Variants in CEMIP2 observed in about 807,000 individuals in gnomAD.
The protein encoded by CEMIP2 is cell migration inducing hyaluronidase 2, also known as cell surface hyaluronidase CEMIP2.
CEMIP2 carries 79 observed loss-of-function variants against 146.9 expected under a neutral mutation model. That is an observed-to-expected ratio of 0.54 (90% CI 0.45 to 0.65). CEMIP2 has a LOEUF of 0.65. CEMIP2 is among the 30% of genes least tolerant of loss of function. CEMIP2 has a pLI of 0.00. For synonymous variants in CEMIP2, 601 were observed against 606.3 expected (o/e 0.99, Z 0.13); for missense variants, 1,596 against 1,696.2 (o/e 0.94, Z 1.04).
intron 4 of CEMIP2, among the ~76,000 whole-genome samples, chr9:71,743,802 AGACT>A (rs1481528157): frequency 6.6e-6 from 1 of 152,222 alleles, no homozygotes; most frequent in Non-Finnish European, 1.5e-5. Flanking sequence ...AAAATGTTAC[AGACT>A]GTTTTTCTTC....
chr9:71,706,711 G>A (rs1257874874), intron 17 of CEMIP2, among the ~76,000 whole-genome samples: 1 of 152,134 alleles, frequency 6.6e-6, no homozygotes, highest in African/African-American at 2.4e-5. Flanking sequence ...GTGTGTACCT[G>A]CCACTTTAAG....
Position 71,732,510 on chromosome 9 carries a change from C to A in CEMIP2, c.1404G>T (p.Gln468His). 1 of 1,595,558 alleles carries A rather than the reference C, an allele frequency of 6.3e-7. No homozygotes were observed. The highest frequency in any genetic ancestry group is 8.5e-7 in the Non-Finnish European group (1 of 1,175,146). Residue 468 changes from glutamine (Q) to histidine (H), a missense_variant, in exon 7 of 24, where the codon CAG (glutamine) becomes CAT (histidine). By Grantham distance (24) the Gln-to-His change is conservative. Coordinates refer to ENST00000377044, the MANE Select transcript of CEMIP2 (RefSeq NM_013390.3). ...CTATGATCTCACCCATGTGCAGGAA[C>A]TGAGGGGTTTCTGGTTGATATGAGC... ...HFQVKVKETP[Q>H]FLHMGEIIDG... is the part of the protein sequence containing the mutation.
At chr9:71,728,258 C>A (rs1312972847) in intron 10 of CEMIP2, among the ~76,000 whole-genome samples, 2 of 7,720 alleles carry the variant, frequency 2.6e-4, no homozygotes, top group Non-Finnish European at 7.0e-4. Flanking sequence ...TATGTATATA[C>A]ACGTATATAT....
Position 71,745,014 on chromosome 9 carries a change from C to A in CEMIP2, c.1034+4G>T. ...ATAGGGATCTGGGAAGAAGGTATGC[C>A]TACCTGTAGCCCAGTCCTTGGATCA... On this transcript the variant is annotated splice_donor_region_variant and intron_variant, in intron 4 of 23. Transcript: ENST00000377044. The A allele has an allele frequency of 6.2e-7, 1 of 1,611,328 alleles. No individual in the cohort carries two copies. The highest frequency in any genetic ancestry group is 8.5e-7 in the Non-Finnish European group (1 of 1,178,686).
intron 15 of CEMIP2, among the ~76,000 whole-genome samples, chr9:71,712,727 A>G (rs1019523345): frequency 6.6e-6 from 1 of 152,208 alleles, no homozygotes; most frequent in Non-Finnish European, 1.5e-5. Context: ...AGGTGAAATG[A>G]TACATTTAAA....
rs764842755 is a variant in CEMIP2 at position 71,717,936 on chromosome 9, G to C, written c.2399+12C>G. ...AGTGTCATCATATAATAACTTGGTA[G>C]AGAATACCCACGCTGAATTTTGAAC... On this transcript the variant is annotated intron_variant, in intron 13 of 23. Coordinates refer to ENST00000377044, the MANE Select transcript of CEMIP2 (RefSeq NM_013390.3). 6.3e-7 allele frequency: 1 copy of C among 1,599,008 alleles called. No homozygotes were observed. The highest frequency in any genetic ancestry group is 8.5e-7 in the Non-Finnish European group (1 of 1,174,300).
intron 20 of CEMIP2, chr9:71,697,733 A>G (rs1429795891): frequency 2.3e-6 from 1 of 431,386 alleles, no homozygotes; most frequent in Non-Finnish European, 4.1e-6. Flanking sequence ...AGCAACCTCT[A>G]ATTTTAAACT....
chr9:71,708,143 G>A (rs566731225), intron 17 of CEMIP2, among the ~76,000 whole-genome samples: 1 of 152,234 alleles, frequency 6.6e-6, no homozygotes, highest in Non-Finnish European at 1.5e-5. Context: ...CCAAGATTGC[G>A]CCACTGCACT....
intron 20 of CEMIP2, chr9:71,697,764 C>T: frequency 2.0e-6 from 1 of 510,032 alleles, no homozygotes; most frequent in South Asian, 3.0e-5. Context: ...TGCAGTTGTT[C>T]AAGGTAAACT....
Position 71,685,395 on chromosome 9 carries a change from T to TAA in CEMIP2, c.3956-4_3956-3dup, listed in dbSNP as rs36080695. The stretch of plus-strand genomic sequence containing the variant: ...TGAATCCCAAAAATATGGTACTCCC[T>TAA]AAAAAAAAAAAAAAAAAAGAAAAAG... On this transcript the variant is annotated splice_region_variant and splice_polypyrimidine_tract_variant and intron_variant, in intron 23 of 23. Coordinates refer to ENST00000377044, the MANE Select transcript of CEMIP2 (RefSeq NM_013390.3). The TAA allele has an allele frequency of 0.22, 253,206 of 1,139,218 alleles. 5,708 individuals are homozygous for TAA. Among genetic ancestry groups the TAA allele is most frequent in the African/African-American group, 0.43 (21,935 of 50,884 alleles). The allele number at this position is 1,139,218 out of a possible 1,614,324, so 70.6% of individuals were successfully genotyped here.
Position 71,718,033 on chromosome 9 carries a change from C to T in CEMIP2, c.2314G>A (p.Ala772Thr), listed in dbSNP as rs1461006377. ...DANPEKPRVA[A>T]LIDRLIAFKN... ...AAAGCAATGAGCCTGTCAATTAGAG[C>T]AGCAACACGTGGTTTTTCGGGGTTT... The change falls in exon 13 of 24, where the codon GCT becomes ACT. Residue 772 changes from alanine (A) to threonine (T), a missense_variant. Coordinates refer to ENST00000377044, the MANE Select transcript of CEMIP2 (RefSeq NM_013390.3). The T allele has an allele frequency of 6.2e-7, 1 of 1,612,914 alleles. No homozygotes were observed. Among genetic ancestry groups the T allele is most frequent in the Admixed American group, 1.7e-5 (1 of 59,960 alleles).
At chr9:71,699,034 TAAAAA>T (rs34810834) in intron 19 of CEMIP2, among the ~76,000 whole-genome samples, 4 of 132,856 alleles carry the variant, frequency 3.0e-5, no homozygotes, top group Non-Finnish European at 4.8e-5. Context: ...CTGAGAGCAT[TAAAAA>T]AAAAAAAAAA....
At chr9:71,713,269 G>A (rs145831801) in intron 15 of CEMIP2, among the ~76,000 whole-genome samples, 2,515 of 152,128 alleles carry the variant, frequency 0.017, 38 homozygotes, top group Non-Finnish European at 0.026. Flanking sequence ...CACGATATCC[G>A]ATGGTTTTAA....
At chr9:71,696,513 G>A (rs1403446112) in intron 20 of CEMIP2, among the ~76,000 whole-genome samples, 1 of 151,914 alleles carries the variant, frequency 6.6e-6, no homozygotes, top group East Asian at 1.9e-4. Context: ...GCTTACACCT[G>A]TAATCCCAGT....
At chr9:71,703,383 G>A (rs967089852) in intron 18 of CEMIP2, among the ~76,000 whole-genome samples, 38 of 152,156 alleles carry the variant, frequency 2.5e-4, no homozygotes, top group Non-Finnish European at 5.1e-4. Flanking sequence ...TAATGGTAAC[G>A]GTTCAGCTCA....
chr9:71,750,343 G>T lies in CEMIP2; in HGVS notation c.31C>A (p.Pro11Thr), dbSNP rs1185958861. The T allele has an allele frequency of 6.2e-7, 1 of 1,613,582 alleles. No individual in the cohort carries two copies. Among genetic ancestry groups the T allele is most frequent in the South Asian group, 1.1e-5 (1 of 91,008 alleles). MYATDSRGHS[P>T]AFLQPQNGNS... ...CCATTCTGAGGTTGGAGGAAAGCAGGGGAGTGTCCCCTGGAATCAGTGGCA... is the reference window on the plus strand; with the variant it reads ...CCATTCTGAGGTTGGAGGAAAGCAGTGGAGTGTCCCCTGGAATCAGTGGCA... The change falls in exon 2 of 24, where the codon CCT becomes ACT. Residue 11 changes from proline to threonine, a missense_variant. Transcript: ENST00000377044.
rs141887914 is a variant in CEMIP2 at position 71,761,066 on chromosome 9, G to A, written c.-13+7291C>T. On this transcript the variant is annotated intron_variant, in intron 1 of 23. Coordinates refer to ENST00000377044, the MANE Select transcript of CEMIP2 (RefSeq NM_013390.3). ...AGGCTTCCAACCTGCTGGCAGTGAC[G>A]GATGGCAGTGCAGAGGCACACAATG... is the stretch of plus-strand genomic sequence containing the variant. 4.6e-5 allele frequency among the ~76,000 whole-genome samples: 7 copies of A among 152,314 alleles called. No individual in the cohort carries two copies. In the East Asian group the frequency reaches 7.7e-4, roughly 17 times the overall value.
chr9:71,699,311 A>G (rs1386003636), intron 19 of CEMIP2: 5 of 344,848 alleles, frequency 1.4e-5, no homozygotes, highest in African/African-American at 4.3e-5. Flanking sequence ...TTGAAAATCA[A>G]TGCTGGGTGT....
rs1306074405 is a variant in CEMIP2, at chr9:71,685,312, A to C, written c.4037T>G (p.Leu1346Arg). 6.2e-7 allele frequency: 1 copy of C among 1,612,046 alleles called. No homozygotes were observed. The change falls in exon 24 of 24, where the codon CTT becomes CGT. Residue 1346 changes from leucine to arginine, a missense_variant. Physicochemically the swap from Leu to Arg is moderately radical, Grantham distance 102 (BLOSUM62 -2). Coordinates refer to ENST00000377044, the MANE Select transcript of CEMIP2 (RefSeq NM_013390.3). ...AGGTATGAATTGTTCAAGCACCCCAAGGCCCTGTCCAGCAGGACTGGTAAA... is the reference window on the plus strand; with the variant it reads ...AGGTATGAATTGTTCAAGCACCCCACGGCCCTGTCCAGCAGGACTGGTAAA... The part of the protein sequence containing the change: ...KLFTSPAGQG[L>R]GVLEQFIPLQ...
Sources: gnomAD v4.1 joint callset for allele counts (sites outside exome capture counted in the v4.1 genomes callset) on GRCh38, gnomAD v4.1.1 for gene constraint, MANE v1.5 for transcripts, NCBI Gene and HGNC (gene_info 2026-07-23, HGNC 2026-07-21) for gene names.